The following DOCK9 variants were observed in gnomAD, a reference collection of about 807,000 sequenced individuals.
The protein encoded by DOCK9 is dedicator of cytokinesis 9, also known as dedicator of cytokinesis protein 9.
Under a neutral mutation model 263.3 loss-of-function variants are expected in DOCK9, and 89 were observed. The observed-to-expected ratio is 0.34, with a 90% CI of 0.28 to 0.40. The LOEUF is 0.40. Ranked by LOEUF, DOCK9 falls within the 10% of genes least tolerant of loss-of-function variation. DOCK9 has a pLI of 1.00. For missense variants in DOCK9, 2,140 were observed against 2,603.4 expected, an observed-to-expected ratio of 0.82 and a Z score of 3.87; for synonymous variants, 976 against 973.1, an observed-to-expected ratio of 1.00 and a Z score of -0.06.
chr13:99,035,111 AG>A (rs1251459268), intron 1 of DOCK9, among the ~76,000 whole-genome samples: 2 of 151,936 alleles, frequency 1.3e-5, no homozygotes, highest in African/African-American at 4.8e-5. Flanking sequence ...TTTCATGTGC[AG>A]GTTTGCTCAA....
At chr13:99,050,538 A>G (rs1466690898) in intron 1 of DOCK9, among the ~76,000 whole-genome samples, 2 of 152,014 alleles carry the variant, frequency 1.3e-5, no homozygotes, top group African/African-American at 4.8e-5. Flanking sequence ...CTAAAAATAC[A>G]AAAAATTAGC....
At chr13:98,817,358 G>A (rs1042257926) in intron 45 of DOCK9, among the ~76,000 whole-genome samples, 4 of 151,444 alleles carry the variant, frequency 2.6e-5, no homozygotes, top group Non-Finnish European at 4.4e-5. Flanking sequence ...TTAAACCTGC[G>A]GAACTGTGAG....
At chr13:98,963,250 C>T (rs760028311) in intron 1 of DOCK9, among the ~76,000 whole-genome samples, 2 of 152,308 alleles carry the variant, frequency 1.3e-5, no homozygotes, top group South Asian at 2.1e-4. Flanking sequence ...GAACTCCCTC[C>T]CTCCCACAGC....
At chr13:98,812,167 A>G (rs1451538679) in intron 45 of DOCK9, among the ~76,000 whole-genome samples, 1 of 89,846 alleles carries the variant, frequency 1.1e-5, no homozygotes, top group Non-Finnish European at 2.3e-5. Flanking sequence ...GCTACACTTT[A>G]ATGGGTTTTT....
rs71114578 is a variant in DOCK9 at position 99,071,306 on chromosome 13, C to CTTTTTTTTTTTTTTTTTT, written c.129+14899_129+14916dup. Reference sequence around the variant, plus strand: ...TACAGGTGCTTGCCACCATGCCTGGCTTTTTTTTTTTTTTTTTTTTTTTTT... The same window carrying CTTTTTTTTTTTTTTTTTT: ...TACAGGTGCTTGCCACCATGCCTGGCTTTTTTTTTTTTTTTTTTTTTTTTTTTTTTTTTTTTTTTTTTT... On this transcript the variant is annotated intron_variant, in intron 1 of 32. Transcript: ENST00000427887. Among the ~76,000 whole-genome samples the CTTTTTTTTTTTTTTTTTT allele has an allele frequency of 7.7e-4, 38 of 49,330 alleles. 6 individuals are homozygous for CTTTTTTTTTTTTTTTTTT. The highest frequency in any genetic ancestry group is 1.1e-3 in the African/African-American group (10 of 9,182). The allele number at this position is 49,330 out of a possible 152,430, so 32.4% of individuals were successfully genotyped here.
intron 2 of DOCK9, among the ~76,000 whole-genome samples, chr13:98,941,548 T>C (rs2055851391): frequency 6.6e-6 from 1 of 152,224 alleles, no homozygotes; most frequent in African/African-American, 2.4e-5. Flanking sequence ...TAACTAGTTA[T>C]GAATTAAGTG....
chr13:98,838,648 A>G (rs1047601200), intron 38 of DOCK9, among the ~76,000 whole-genome samples: 1 of 152,234 alleles, frequency 6.6e-6, no homozygotes, highest in Non-Finnish European at 1.5e-5. Flanking sequence ...ACAAGTTGAG[A>G]TTAAATTATG....
chr13:98,998,725 A>G (rs1881616440), intron 1 of DOCK9, among the ~76,000 whole-genome samples: 1 of 152,176 alleles, frequency 6.6e-6, no homozygotes, highest in Non-Finnish European at 1.5e-5. Flanking sequence ...GCTAAAGTCT[A>G]GGCACAGACT....
intron 9 of DOCK9, among the ~76,000 whole-genome samples, chr13:98,912,136 T>C (rs2050154677): frequency 6.6e-6 from 1 of 152,012 alleles, no homozygotes; most frequent in Admixed American, 6.6e-5. Context: ...CCTCCCAAAG[T>C]GCTGGGATTA....
At chr13:98,846,102 T>A (rs1286606945) in intron 37 of DOCK9, 42 bp from the exon 38 acceptor site, 2 of 1,548,664 alleles carry the variant, frequency 1.3e-6, no homozygotes, top group South Asian at 2.4e-5. Flanking sequence ...AAGTTAGACG[T>A]GTTACACTGC....
chr13:99,020,521 T>C (rs975317288), intron 1 of DOCK9, among the ~76,000 whole-genome samples: 12 of 152,288 alleles, frequency 7.9e-5, no homozygotes, highest in African/African-American at 2.9e-4. Flanking sequence ...CCTGAGACCA[T>C]AGCTAACAGG....
chr13:99,020,383 G>A lies in DOCK9; in HGVS notation c.130-64832C>T, dbSNP rs551688549. 8.5e-5 allele frequency among the ~76,000 whole-genome samples: 13 copies of A among 152,162 alleles called. No homozygotes were observed. In the South Asian group the frequency reaches 2.5e-3, roughly 29 times the overall value. On this transcript the variant is annotated intron_variant, in intron 1 of 32. Coordinates refer to the DOCK9 transcript ENST00000427887. ...TGGGAGGTGGCTGGGGCTACCTCAG[G>A]GTGTGCATTTTAGACCTGGGAAAGG...
intron 1 of DOCK9, among the ~76,000 whole-genome samples, chr13:98,962,116 A>C (rs1175776125): frequency 6.6e-6 from 1 of 152,232 alleles, no homozygotes; most frequent in Non-Finnish European, 1.5e-5. Context: ...ATGCCAAGGG[A>C]AACACTGATC....
intron 1 of DOCK9, among the ~76,000 whole-genome samples, chr13:98,962,418 A>G (rs990245064): frequency 3.3e-5 from 5 of 152,172 alleles, no homozygotes; most frequent in African/African-American, 1.2e-4. Context: ...TTTGTCCCTC[A>G]CAAAACCTGA....
chr13:98,896,818 C>T (rs1281256243), intron 15 of DOCK9, among the ~76,000 whole-genome samples: 1 of 152,172 alleles, frequency 6.6e-6, no homozygotes, highest in African/African-American at 2.4e-5. Flanking sequence ...ATTGTGTCCT[C>T]CAAAAGCATG....
chr13:99,007,625 GC>G (rs1012339899), intron 1 of DOCK9, among the ~76,000 whole-genome samples: 4 of 152,008 alleles, frequency 2.6e-5, no homozygotes, highest in African/African-American at 9.7e-5. Context: ...ACACATTCCA[GC>G]CCCCACAATG....
At chr13:98,996,953 A>G (rs1174897294) in intron 1 of DOCK9, among the ~76,000 whole-genome samples, 5 of 152,244 alleles carry the variant, frequency 3.3e-5, no homozygotes, top group Non-Finnish European at 7.3e-5. Flanking sequence ...ACTAAGTCCA[A>G]TCGGTACTCA....
At chr13:98,919,180 G>A (rs1226072518) in intron 7 of DOCK9, among the ~76,000 whole-genome samples, 1 of 151,076 alleles carries the variant, frequency 6.6e-6, no homozygotes, top group Non-Finnish European at 1.5e-5. Flanking sequence ...CGCAATCTCA[G>A]CTCACTGCAA....
intron 1 of DOCK9, among the ~76,000 whole-genome samples, chr13:99,017,183 C>A (rs1022601600): frequency 6.6e-6 from 1 of 152,148 alleles, no homozygotes; most frequent in Non-Finnish European, 1.5e-5. Flanking sequence ...GAAAACAGAG[C>A]TATAGGGTTC....
Sources: gnomAD v4.1 joint callset for allele counts (sites outside exome capture counted in the v4.1 genomes callset) on GRCh38, gnomAD v4.1.1 for gene constraint, MANE v1.5 for transcripts, NCBI Gene and HGNC (gene_info 2026-07-23, HGNC 2026-07-21) for gene names.